Variants in NLN observed in about 807,000 individuals in gnomAD.
NLN encodes neurolysin.
NLN carries 64 observed loss-of-function variants against 79.9 expected under a neutral mutation model. The observed-to-expected ratio is 0.80, with a 90% CI of 0.65 to 0.99. The LOEUF is 0.99. Ranked by LOEUF, NLN falls within the 50% of genes least tolerant of loss-of-function variation. The pLI is 0.00. For synonymous variants in NLN, 267 were observed against 296.6 expected, an observed-to-expected ratio of 0.90 and a Z score of 1.02; for missense variants, 835 against 858.7, an observed-to-expected ratio of 0.97 and a Z score of 0.34.
chr5:65,755,364 C>G (rs1051519200), intron 1 of NLN, among the ~76,000 whole-genome samples: 2 of 152,156 alleles, frequency 1.3e-5, no homozygotes, highest in Non-Finnish European at 2.9e-5. Context: ...ATAAACTACA[C>G]CTATAATGCA....
Position 65,763,069 on chromosome 5 carries a change from C to G in NLN, c.411C>G (p.Ser137Arg). ...KRLSRFDIEMSMRGDIFERIV... is the reference protein window; with the variant it reads ...KRLSRFDIEMRMRGDIFERIV... ...TTTCTCGTTTTGATATTGAGATGAG[C>G]ATGAGAGGAGATATATTTGAGAGAA... Residue 137 changes from serine (S) to arginine (R), a missense_variant, in exon 3 of 13, where the codon AGC (serine) becomes AGG (arginine). Ser to Arg is a moderately radical substitution (Grantham distance 110). Transcript: ENST00000380985. The G allele has an allele frequency of 6.2e-7, 1 of 1,613,428 alleles. No homozygotes were observed. The highest frequency in any genetic ancestry group is 1.1e-5 in the South Asian group (1 of 91,070).
intron 1 of NLN, among the ~76,000 whole-genome samples, chr5:65,740,276 G>A (rs775502555): frequency 6.6e-5 from 10 of 152,040 alleles, no homozygotes; most frequent in Admixed American, 2.6e-4. Context: ...GACATAACGC[G>A]GTGAGTGAGG....
At chr5:65,745,895 C>T (rs1396522536) in intron 1 of NLN, among the ~76,000 whole-genome samples, 1 of 152,224 alleles carries the variant, frequency 6.6e-6, no homozygotes, top group Admixed American at 6.5e-5. Context: ...CAACTGAGTA[C>T]ATACTGGTGA....
At chr5:65,808,201 C>T (rs941921371) in intron 9 of NLN, among the ~76,000 whole-genome samples, 1 of 152,086 alleles carries the variant, frequency 6.6e-6, no homozygotes, top group African/African-American at 2.4e-5. Context: ...AGAAATCAAG[C>T]AAAACATTTT....
chr5:65,811,770 C>T (rs1261931665), intron 11 of NLN, among the ~76,000 whole-genome samples: 5 of 151,068 alleles, frequency 3.3e-5, no homozygotes, highest in South Asian at 4.2e-4. Flanking sequence ...TGCATTGAGC[C>T]GAGATCTCAC....
At chr5:65,791,274 T>A (rs771236864) in intron 8 of NLN, among the ~76,000 whole-genome samples, 1 of 151,850 alleles carries the variant, frequency 6.6e-6, no homozygotes, top group Non-Finnish European at 1.5e-5. Context: ...ATACAAAAAT[T>A]AGGCTGTGCA....
chr5:65,753,908 A>G (rs1759159033), intron 1 of NLN, among the ~76,000 whole-genome samples: 1 of 152,138 alleles, frequency 6.6e-6, no homozygotes, highest in Non-Finnish European at 1.5e-5. Context: ...GTTGGCAGAA[A>G]TAATTATTTT....
chr5:65,773,125 C>CTTTT (rs1246378305), intron 3 of NLN, among the ~76,000 whole-genome samples: 1 of 94,968 alleles, frequency 1.1e-5, no homozygotes. Flanking sequence ...GCCCTGAATT[C>CTTTT]TATTTTTTTT....
chr5:65,800,092 T>C (rs1195849360), intron 9 of NLN, among the ~76,000 whole-genome samples: 2 of 152,224 alleles, frequency 1.3e-5, no homozygotes, highest in Non-Finnish European at 2.9e-5. Context: ...AATACACTTA[T>C]TGATTTCAGC....
At chr5:65,753,498 A>G (rs931904026) in intron 1 of NLN, among the ~76,000 whole-genome samples, 19 of 152,094 alleles carry the variant, frequency 1.2e-4, no homozygotes, top group Non-Finnish European at 1.5e-5. Context: ...AAAATACAGA[A>G]AACTAGTCAG....
chr5:65,809,493 AT>A (rs1268648987), intron 9 of NLN, 21 bp from the exon 10 acceptor site: 2 of 1,562,528 alleles, frequency 1.3e-6, no homozygotes, highest in Non-Finnish European at 1.7e-6. Context: ...CTTTAAAAAA[AT>A]TCTCTGTGTT....
chr5:65,750,330 C>G (rs1759077432), intron 1 of NLN, among the ~76,000 whole-genome samples: 1 of 152,126 alleles, frequency 6.6e-6, no homozygotes, highest in Admixed American at 6.5e-5. Flanking sequence ...TTTAAATAAC[C>G]ACATGTACCT....
chr5:65,783,559 C>T (rs1435333450), intron 6 of NLN, among the ~76,000 whole-genome samples: 10 of 151,986 alleles, frequency 6.6e-5, no homozygotes, highest in South Asian at 2.1e-4. Context: ...ACCAAGTGTC[C>T]GGCAAAAATT....
In NLN at chr5:65,788,100, T is replaced by G. The variant is rs1290475798; in HGVS notation, c.959-18T>G. 1.2e-6 allele frequency: 2 copies of G among 1,601,480 alleles called. No homozygotes were observed. Among genetic ancestry groups the G allele is most frequent in the Non-Finnish European group, 1.7e-6 (2 of 1,175,102 alleles). ...TTCCAAAAGCAAGTAGATCACTAACTTTTCCTTTTCCTTACAGATGATTTA... is the reference window on the plus strand; with the variant it reads ...TTCCAAAAGCAAGTAGATCACTAACGTTTCCTTTTCCTTACAGATGATTTA... On this transcript the variant is annotated intron_variant, in intron 7 of 12. Coordinates refer to ENST00000380985, the MANE Select transcript of NLN (RefSeq NM_020726.5).
At chr5:65,754,807 C>G (rs1175414343) in intron 1 of NLN, among the ~76,000 whole-genome samples, 3 of 152,164 alleles carry the variant, frequency 2.0e-5, no homozygotes, top group Non-Finnish European at 2.9e-5. Flanking sequence ...TGAGGCTCAT[C>G]ATCTGGTTTT....
At position 65,722,784 on chromosome 5, in the gene NLN, A is replaced by T. The variant is rs1251145977; in HGVS notation, c.41+370A>T. 4 of 229,160 alleles carry T rather than the reference A, an allele frequency of 1.7e-5. No homozygotes were observed. The Admixed American group carries it at 1.8e-4, about 10-fold the overall frequency. 14.2% of individuals were successfully genotyped at this position (229,160 alleles called of 1,614,324 possible). ...GTCATTAAAAGTGCCGCAGCTGTGGACTCAGAACAATTGTGTTTGCTCCTC... is the reference window on the plus strand; with the variant it reads ...GTCATTAAAAGTGCCGCAGCTGTGGTCTCAGAACAATTGTGTTTGCTCCTC... On this transcript the variant is annotated intron_variant, in intron 1 of 12. Transcript: ENST00000380985.
chr5:65,771,741 G>A (rs1759571362), intron 3 of NLN, among the ~76,000 whole-genome samples: 1 of 152,072 alleles, frequency 6.6e-6, no homozygotes. Flanking sequence ...AACCGACCGG[G>A]TATAGTGGCT....
At chr5:65,796,804 C>T (rs1482861893) in intron 9 of NLN, among the ~76,000 whole-genome samples, 1 of 152,176 alleles carries the variant, frequency 6.6e-6, no homozygotes, top group Non-Finnish European at 1.5e-5. Flanking sequence ...CTAATACTTC[C>T]AGCTTACCTA....
rs1458449192 is a variant in NLN at position 65,825,513 on chromosome 5, A to G, written c.*2598A>G. 2 of 152,170 alleles carry G rather than the reference A, an allele frequency of 1.3e-5. No homozygotes were observed. The highest frequency in any genetic ancestry group is 3.9e-4 in the East Asian group (2 of 5,192). 9.4% of individuals were successfully genotyped at this position (152,170 alleles called of 1,614,324 possible). A position where few individuals can be genotyped will look rare whatever the true frequency, so the allele number is the denominator to read the frequency against. On this transcript the variant is annotated 3_prime_UTR_variant, in exon 13 of 13. Coordinates refer to ENST00000380985, the MANE Select transcript of NLN (RefSeq NM_020726.5). The stretch of plus-strand genomic sequence containing the variant: ...AGTTTTACGATGCTGCAGAGAAGAG[A>G]AATGTCTTGACGTTTTGCCACCTGA...
Sources: gnomAD v4.1 joint callset for allele counts (sites outside exome capture counted in the v4.1 genomes callset) on GRCh38, gnomAD v4.1.1 for gene constraint, MANE v1.5 for transcripts, NCBI Gene and HGNC (gene_info 2026-07-23, HGNC 2026-07-21) for gene names.